CYLD: variants seen among roughly 807,000 people sequenced by gnomAD.
CYLD encodes the protein ubiquitin carboxyl-terminal hydrolase CYLD.
Under a neutral mutation model 104.5 loss-of-function variants are expected in CYLD, and 26 were observed. That is an observed-to-expected ratio of 0.25 (90% confidence interval 0.18 to 0.35). CYLD has a LOEUF of 0.35. CYLD is among the 10% of genes least tolerant of loss of function. The pLI is 1.00. For synonymous variants in CYLD, 385 were observed against 399.9 expected (o/e 0.96, Z 0.45); for missense variants, 703 against 1,136.1 (o/e 0.62, Z 5.48).
At chr16:50,753,062 A>G (rs1035418470) in intron 4 of CYLD, among the ~76,000 whole-genome samples, 1 of 152,184 alleles carries the variant, frequency 6.6e-6, no homozygotes, top group Admixed American at 6.5e-5. Context: ...TTATCTGCTC[A>G]GGTATACTTT....
chr16:50,791,467 C>G lies in CYLD; in HGVS notation c.2109-91C>G, dbSNP rs1454536216. 204 of 1,399,062 alleles carry G rather than the reference C, an allele frequency of 1.5e-4. 1 individual carries two copies. The highest frequency in any genetic ancestry group is 2.0e-4 in the Non-Finnish European group (199 of 996,006). 86.7% of individuals were successfully genotyped at this position (1,399,062 alleles called of 1,614,324 possible). A position where few individuals can be genotyped will look rare whatever the true frequency, so the allele number is the denominator to read the frequency against. On this transcript the variant is annotated intron_variant, in intron 14 of 18. Transcript: ENST00000427738. The stretch of plus-strand genomic sequence containing the variant: ...CTACACCATCAATTTTATGGTTTTT[C>G]TGTTCTCAAATACTGCTGGGACAAC...
rs1021019394 is a variant in CYLD at position 50,799,830 on chromosome 16, T to C, written c.*3322T>C. 1 of 232,928 alleles carries C rather than the reference T, an allele frequency of 4.3e-6. No individual in the cohort carries two copies. Among genetic ancestry groups the C allele is most frequent in the Non-Finnish European group, 8.5e-6 (1 of 117,922 alleles). 14.4% of individuals were successfully genotyped at this position (232,928 alleles called of 1,614,324 possible). A position where few individuals can be genotyped will look rare whatever the true frequency, so the allele number is the denominator to read the frequency against. ...CTGCTTGGATGATTGTAGACTGAGA[T>C]GTGAGTGGAGGATAAAGTATTAGAC... On this transcript the variant is annotated 3_prime_UTR_variant, in exon 19 of 19. Coordinates refer to ENST00000427738, the MANE Select transcript of CYLD (RefSeq NM_001378743.1).
chr16:50,777,910 C>T lies in CYLD; in HGVS notation c.1107C>T (p.Ser369=). The T allele has an allele frequency of 6.3e-7, 1 of 1,592,628 alleles. No individual in the cohort carries two copies. Residue 369 remains serine (S), a synonymous_variant, in exon 8 of 19, where the codon TCC becomes TCT. Transcript: ENST00000427738. ...CTTCTGTTGACTCACAACCACAATC[C>T]AAATCAAAAAATACATGGTACATTG... ...NGSSVDSQPQ[S]KSKNTWYIDE...
intron 8 of CYLD, among the ~76,000 whole-genome samples, chr16:50,778,872 C>T (rs973580460): frequency 6.6e-6 from 1 of 152,022 alleles, no homozygotes; most frequent in African/African-American, 2.4e-5. Context: ...TATGGATAAC[C>T]AATTATCTCA....
At chr16:50,783,633 G>C (rs1415051427) in intron 11 of CYLD, among the ~76,000 whole-genome samples, 4 of 151,972 alleles carry the variant, frequency 2.6e-5, no homozygotes, top group Non-Finnish European at 5.9e-5. Context: ...CCACCTCCCG[G>C]GTTCAAGCGA....
intron 5 of CYLD, among the ~76,000 whole-genome samples, chr16:50,762,858 T>A (rs1228679054): frequency 1.3e-5 from 2 of 151,972 alleles, no homozygotes; most frequent in South Asian, 4.1e-4. Flanking sequence ...ACAATTGACT[T>A]TTTTTTTAGA....
chr16:50,756,017 CT>C (rs966076527), intron 5 of CYLD, among the ~76,000 whole-genome samples: 1 of 152,016 alleles, frequency 6.6e-6, no homozygotes, highest in African/African-American at 2.4e-5. Flanking sequence ...TCTTTGATCC[CT>C]CTATAAGGCA....
intron 4 of CYLD, among the ~76,000 whole-genome samples, 171 bp downstream of exon 4, chr16:50,752,077 T>G (rs1014548551): frequency 6.6e-6 from 1 of 150,742 alleles, no homozygotes; most frequent in African/African-American, 2.4e-5. Flanking sequence ...ATTGAACACT[T>G]TGAATATTTA....
chr16:50,791,997 C>T (rs1264866843), intron 15 of CYLD, among the ~76,000 whole-genome samples: 1 of 152,142 alleles, frequency 6.6e-6, no homozygotes, highest in African/African-American at 2.4e-5. Flanking sequence ...CCATTTTATG[C>T]AAGCATATTA....
At chr16:50,767,407 G>A (rs912602512) in intron 5 of CYLD, among the ~76,000 whole-genome samples, 1 of 151,210 alleles carries the variant, frequency 6.6e-6, no homozygotes, top group African/African-American at 2.4e-5. Context: ...TTATTGTGGT[G>A]GTCTGGAACA....
intron 2 of CYLD, among the ~76,000 whole-genome samples, chr16:50,743,162 T>A (rs1287452951): frequency 6.6e-6 from 1 of 152,208 alleles, no homozygotes; most frequent in Middle Eastern, 3.2e-3. Context: ...CATGCCTACC[T>A]TGCTTTTGAA....
In CYLD at chr16:50,798,996, G is replaced by T. The variant is rs925126516; in HGVS notation, c.*2488G>T. 5.6e-5 allele frequency: 13 copies of T among 233,344 alleles called. No homozygotes were observed. The highest frequency in any genetic ancestry group is 2.9e-4 in the African/African-American group (13 of 45,350). 14.5% of individuals were successfully genotyped at this position (233,344 alleles called of 1,614,324 possible). On this transcript the variant is annotated 3_prime_UTR_variant, in exon 19 of 19. Transcript: ENST00000427738. ...TGTCTGTCCTGGCTCCCTCTGGGTA[G>T]CCCCCTACTGTTCTGTGCTTCAGCA...
At chr16:50,771,604 C>A (rs894399243) in intron 5 of CYLD, among the ~76,000 whole-genome samples, 3 of 152,094 alleles carry the variant, frequency 2.0e-5, no homozygotes, top group African/African-American at 7.2e-5. Context: ...AGGAGCTGCA[C>A]CATTTACTTT....
rs1020495541 is a variant in CYLD, at chr16:50,769,139, A to G, written c.914-6027A>G. Reference sequence around the variant, plus strand: ...TTTGGCTATTATGAATAATGCTGCTATGAAAATTTGTGTACGAATCTTTGT... The same window carrying G: ...TTTGGCTATTATGAATAATGCTGCTGTGAAAATTTGTGTACGAATCTTTGT... On this transcript the variant is annotated intron_variant, in intron 5 of 18. Coordinates refer to ENST00000427738, the MANE Select transcript of CYLD (RefSeq NM_001378743.1). 5.9e-5 allele frequency among the ~76,000 whole-genome samples: 9 copies of G among 152,260 alleles called. 2 individuals carry two copies. The highest frequency in any genetic ancestry group is 5.2e-4 in the Admixed American group (8 of 15,290).
intron 5 of CYLD, among the ~76,000 whole-genome samples, chr16:50,755,491 C>T (rs1218647347): frequency 6.6e-6 from 1 of 152,286 alleles, no homozygotes; most frequent in East Asian, 1.9e-4. Context: ...TATATTTCCA[C>T]CAACAGTGTA....
chr16:50,750,351 A>G (rs1950639836), intron 3 of CYLD, 149 bp downstream of exon 3: 2 of 945,420 alleles, frequency 2.1e-6, no homozygotes, highest in Non-Finnish European at 1.7e-6. Flanking sequence ...ATCCTTGCTG[A>G]TGAATCCATG....
In CYLD at chr16:50,749,982, A is replaced by G. The variant is rs1039301683; in HGVS notation, c.284A>G (p.Lys95Arg). The G allele has an allele frequency of 3.7e-6, 6 of 1,614,062 alleles. No individual in the cohort carries two copies. In the African/African-American group the frequency reaches 5.3e-5, roughly 14 times the overall value. ...AAGGATGTTGTAGAGATAAATGAAA[A>G]GTTCACAGAGTTACTTTTGGCAATT... ...DEKDVVEINE[K>R]FTELLLAITN... is the part of the protein sequence containing the mutation. The change falls in exon 3 of 19, where the codon AAG becomes AGG. Residue 95 changes from lysine to arginine, a missense_variant. Transcript: ENST00000427738.
Position 50,776,746 on chromosome 16 carries a change from C to CT in CYLD, c.1021+477dup, listed in dbSNP as rs1369381274. Among the ~76,000 whole-genome samples the CT allele has an allele frequency of 5.3e-5, 8 of 152,140 alleles. 1 individual carries two copies. The South Asian group carries it at 1.2e-3, about 24-fold the overall frequency. ...CACAATATGTGTGGAGCTTACAGCT[C>CT]TTTTTTTTGTTAGCTTCCACATACT... On this transcript the variant is annotated intron_variant, in intron 7 of 18. Coordinates refer to ENST00000427738, the MANE Select transcript of CYLD (RefSeq NM_001378743.1).
At chr16:50,785,824 CT>C (rs1409013329) in intron 12 of CYLD, 1 of 152,182 alleles carries the variant, frequency 6.6e-6, no homozygotes, top group Non-Finnish European at 1.5e-5. Context: ...GAGACCCTGT[CT>C]TTTTAACCTT....
Sources: allele counts gnomAD v4.1 joint callset (sites outside exome capture counted in the v4.1 genomes callset), GRCh38; gene constraint gnomAD v4.1.1; transcripts MANE v1.5; gene names NCBI Gene and HGNC (gene_info 2026-07-23, HGNC 2026-07-21).